The following RASAL2 variants were observed in gnomAD, a reference collection of about 807,000 sequenced individuals.
RASAL2 encodes RAS protein activator like 2.
A neutral mutation model predicts 128.9 loss-of-function variants in RASAL2; 58 were observed. That is an observed-to-expected ratio of 0.45 (90% CI 0.36 to 0.56). The LOEUF (loss-of-function observed/expected upper bound fraction) is 0.56. RASAL2 is among the 20% of genes least tolerant of loss of function. The pLI, the probability that RASAL2 is intolerant of heterozygous loss-of-function variation, is 0.00. For missense variants in RASAL2, 1,360 were observed against 1,601.6 expected (o/e 0.85, Z 2.57); for synonymous variants, 561 against 580.8 (o/e 0.97, Z 0.49).
At position 178,467,384 on chromosome 1, in the gene RASAL2, C is replaced by G. The variant is rs764711126; in HGVS notation, c.3641C>G (p.Ala1214Gly). The change falls in exon 17 of 18, where the codon GCA becomes GGA. Residue 1214 changes from alanine (A) to glycine (G), a missense_variant. Coordinates refer to ENST00000367649, the MANE Select transcript of RASAL2 (RefSeq NM_170692.4). ...AAGAAGGATCATGCTGAGATGCAAG[C>G]AGTTATTGATGCAAAGCAGAAAATA... ...ELKKDHAEMQ[A>G]VIDAKQKIID... 6.2e-7 allele frequency: 1 copy of G among 1,614,092 alleles called. No individual in the cohort carries two copies.
chr1:178,147,787 GGGCTGGGCTTGGT>G (rs1204539334), intron 1 of RASAL2, among the ~76,000 whole-genome samples: 1 of 151,974 alleles, frequency 6.6e-6, no homozygotes, highest in African/African-American at 2.4e-5. Context: ...TTGAGTGATT[GGGCTGGGCTTGGT>G]GGCTCACACC....
At chr1:178,325,082 T>C (rs550088570) in intron 3 of RASAL2, among the ~76,000 whole-genome samples, 1 of 152,230 alleles carries the variant, frequency 6.6e-6, no homozygotes, top group Non-Finnish European at 1.5e-5. Context: ...TTAACATGTT[T>C]CCTCATTTTG....
In RASAL2 at chr1:178,226,063, A is replaced by G. The variant is rs973940997; in HGVS notation, c.203-57501A>G. ...AATTACAGAGGAACCTTGAGAACTT[A>G]GTTCTTTTAGTTTAAGATCTATCTA... is the stretch of plus-strand genomic sequence containing the variant. On this transcript the variant is annotated intron_variant, in intron 1 of 17. Transcript: ENST00000367649. Among the ~76,000 whole-genome samples the G allele has an allele frequency of 2.0e-5, 3 of 152,182 alleles. No homozygotes were observed. In the South Asian group the frequency reaches 6.2e-4, roughly 32 times the overall value.
intron 1 of RASAL2, among the ~76,000 whole-genome samples, chr1:178,148,904 A>G (rs913477217): frequency 2.0e-5 from 3 of 152,164 alleles, no homozygotes; most frequent in African/African-American, 7.2e-5. Context: ...GTTTTGTTTT[A>G]CTTTAATTTC....
Position 178,315,430 on chromosome 1 carries a change from T to C in RASAL2, c.457+15312T>C, listed in dbSNP as rs1240671110. 2.1e-5 allele frequency among the ~76,000 whole-genome samples: 3 copies of C among 144,054 alleles called. 1 individual carries two copies. Among genetic ancestry groups the C allele is most frequent in the East Asian group, 2.0e-4 (1 of 5,074 alleles). The allele number at this position is 144,054 out of a possible 152,430, so 94.5% of individuals were successfully genotyped here. Reference sequence around the variant, plus strand: ...AACAGTGTAAAACTGTTCCTATTTCTCCACATCCTCTCCAGCACCTGTCGT... The same window carrying C: ...AACAGTGTAAAACTGTTCCTATTTCCCCACATCCTCTCCAGCACCTGTCGT... On this transcript the variant is annotated intron_variant, in intron 3 of 17. Transcript: ENST00000367649.
intron 1 of RASAL2, among the ~76,000 whole-genome samples, chr1:178,099,053 G>A (rs929171392): frequency 6.6e-6 from 1 of 152,146 alleles, no homozygotes; most frequent in Non-Finnish European, 1.5e-5. Flanking sequence ...TAAGACACAG[G>A]ATGAGATTTT....
Position 178,458,123 on chromosome 1 carries a change from G to A in RASAL2, c.2831G>A (p.Ser944Asn). 1.2e-6 allele frequency: 2 copies of A among 1,614,206 alleles called. No individual in the cohort carries two copies. The highest frequency in any genetic ancestry group is 1.7e-6 in the Non-Finnish European group (2 of 1,180,042). Residue 944 changes from serine (S) to asparagine (N), a missense_variant, in exon 14 of 18, where the codon AGT becomes AAT. Coordinates refer to ENST00000367649, the MANE Select transcript of RASAL2 (RefSeq NM_170692.4). ...ATGCCAAAGGCCTCTATAGATTCCA[G>A]TTTGGAGAACCTAAGCACTGCCAGT... ...PAMPKASIDS[S>N]LENLSTASSR...
intron 2 of RASAL2, among the ~76,000 whole-genome samples, chr1:178,296,860 T>C (rs1028639485): frequency 3.3e-5 from 5 of 151,626 alleles, no homozygotes; most frequent in African/African-American, 9.7e-5. Context: ...TTAGTAGATA[T>C]GGGGTTTCAC....
intron 3 of RASAL2, among the ~76,000 whole-genome samples, chr1:178,371,355 TACACAC>T (rs766584516): frequency 7.8e-6 from 1 of 127,666 alleles, no homozygotes; most frequent in Non-Finnish European, 1.7e-5. Flanking sequence ...CACACACAAA[TACACAC>T]ACACACACAC....
chr1:178,256,269 A>G (rs991774992), intron 1 of RASAL2, among the ~76,000 whole-genome samples: 1 of 152,214 alleles, frequency 6.6e-6, no homozygotes, highest in Non-Finnish European at 1.5e-5. Context: ...GATTCTTCCA[A>G]TAAACACAGA....
chr1:178,317,707 C>T (rs1361956721), intron 3 of RASAL2, among the ~76,000 whole-genome samples: 3 of 147,258 alleles, frequency 2.0e-5, no homozygotes, highest in Admixed American at 6.8e-5. Flanking sequence ...GTCTTGCTAG[C>T]GGTCTATCAA....
chr1:178,271,837 C>G (rs544771791), intron 1 of RASAL2, among the ~76,000 whole-genome samples: 6 of 152,194 alleles, frequency 3.9e-5, no homozygotes, highest in Non-Finnish European at 7.3e-5. Context: ...TCACTAGCCT[C>G]CTATCTCTGC....
At chr1:178,408,215 GTGTT>G (rs1041428507) in intron 4 of RASAL2, among the ~76,000 whole-genome samples, 1 of 152,160 alleles carries the variant, frequency 6.6e-6, no homozygotes, top group African/African-American at 2.4e-5. Context: ...TTTGTTTTGA[GTGTT>G]TGATTAGTAT....
At chr1:178,135,824 T>C (rs191383813) in intron 1 of RASAL2, among the ~76,000 whole-genome samples, 1 of 152,172 alleles carries the variant, frequency 6.6e-6, no homozygotes, top group African/African-American at 2.4e-5. Flanking sequence ...AAAGAGAGAA[T>C]GAGGAGGATG....
chr1:178,165,986 A>G (rs1405208946), intron 1 of RASAL2, among the ~76,000 whole-genome samples: 1 of 152,176 alleles, frequency 6.6e-6, no homozygotes, highest in Non-Finnish European at 1.5e-5. Flanking sequence ...CTTTGTACGT[A>G]TGTGCACATA....
intron 1 of RASAL2, among the ~76,000 whole-genome samples, chr1:178,140,105 A>G (rs1660473795): frequency 6.6e-6 from 1 of 152,156 alleles, no homozygotes; most frequent in East Asian, 1.9e-4. Context: ...AATTTGAATC[A>G]CTGTCTTTTA....
intron 3 of RASAL2, among the ~76,000 whole-genome samples, chr1:178,362,219 G>T (rs147887989): frequency 3.7e-4 from 56 of 152,218 alleles, no homozygotes; most frequent in African/African-American, 1.2e-3. Flanking sequence ...TACATGGAAG[G>T]TTATGCATAG....
intron 1 of RASAL2, among the ~76,000 whole-genome samples, chr1:178,230,761 G>A (rs1483449254): frequency 6.6e-6 from 1 of 152,148 alleles, no homozygotes; most frequent in Non-Finnish European, 1.5e-5. Flanking sequence ...GGGCCAAGTG[G>A]ACATCTTGGA....
At chr1:178,330,877 A>G (rs368821990) in intron 3 of RASAL2, among the ~76,000 whole-genome samples, 3 of 152,202 alleles carry the variant, frequency 2.0e-5, no homozygotes, top group South Asian at 2.1e-4. Flanking sequence ...CTCCCCCGGA[A>G]TACTGTTTTT....
Sources: allele counts gnomAD v4.1 joint callset (sites outside exome capture counted in the v4.1 genomes callset), GRCh38; gene constraint gnomAD v4.1.1; transcripts MANE v1.5; gene names NCBI Gene and HGNC (gene_info 2026-07-23, HGNC 2026-07-21).